The following SUSD4 variants were observed in gnomAD, a reference collection of about 807,000 sequenced individuals.
SUSD4 encodes the protein sushi domain-containing protein 4.
A neutral mutation model predicts 50.5 loss-of-function variants in SUSD4; 41 were observed. The ratio of observed to expected loss-of-function variants is 0.81; its 90% CI spans 0.63 to 1.05. SUSD4 has a LOEUF of 1.05. Ranked by LOEUF, SUSD4 falls within the 50% of genes least tolerant of loss-of-function variation. SUSD4 has a pLI of 0.00. For synonymous variants in SUSD4, 257 were observed against 257.3 expected (o/e 1.00, Z 0.01); for missense variants, 580 against 634.7 (o/e 0.91, Z 0.93).
intron 2 of SUSD4, among the ~76,000 whole-genome samples, chr1:223,352,678 G>A (rs1668432753): frequency 6.6e-6 from 1 of 152,170 alleles, no homozygotes; most frequent in Non-Finnish European, 1.5e-5. Flanking sequence ...ACACCCAGAA[G>A]CAGCATCCTA....
At chr1:223,310,604 T>A (rs1665817076) in intron 2 of SUSD4, among the ~76,000 whole-genome samples, 1 of 152,118 alleles carries the variant, frequency 6.6e-6, no homozygotes. Flanking sequence ...TGGAAAAAAA[T>A]GAAAACAAAT....
At chr1:223,280,365 A>G (rs1381318558) in intron 3 of SUSD4, among the ~76,000 whole-genome samples, 1 of 152,060 alleles carries the variant, frequency 6.6e-6, no homozygotes, top group Non-Finnish European at 1.5e-5. Context: ...ATACACACAC[A>G]GGCTCAAAAT....
In SUSD4 at chr1:223,363,278, CGCCCGTGAGCTGTG is replaced by C. The variant is rs772375879; in HGVS notation, c.134_147del (p.Ala45GlyfsTer4). ...CTCCCACCACAGCTGGGTCACTCACCGCCCGTGAGCTGTGCAGGGCCGAAGCACAGCGCCAGCTG... is the reference window on the plus strand; with the variant it reads ...CTCCCACCACAGCTGGGTCACTCACCCAGGGCCGAAGCACAGCGCCAGCTG... On this transcript the variant is annotated frameshift_variant and splice_region_variant, in exon 2 of 9. Coordinates refer to ENST00000366878, the MANE Select transcript of SUSD4 (RefSeq NM_017982.4). LOFTEE classifies it high-confidence loss of function. 1 of 1,587,186 alleles carries C rather than the reference CGCCCGTGAGCTGTG, an allele frequency of 6.3e-7. No individual in the cohort carries two copies. Among genetic ancestry groups the C allele is most frequent in the Admixed American group, 1.7e-5 (1 of 57,820 alleles).
intron 5 of SUSD4, among the ~76,000 whole-genome samples, chr1:223,243,613 C>A (rs1190309525): frequency 1.3e-5 from 2 of 152,244 alleles, no homozygotes; most frequent in African/African-American, 4.8e-5. Context: ...CAGCATGTGG[C>A]TGGAGCATTT....
chr1:223,364,371 G>A (rs978203310), upstream of SUSD4, among the ~76,000 whole-genome samples: 1,402 of 147,536 alleles, frequency 9.5e-3, 9 homozygotes, highest in Non-Finnish European at 0.016. This position sits in a 1 kb window ranked among gnomAD's most constrained non-coding sequence, Gnocchi z 4.5. Flanking sequence ...GGGGTGAGTG[G>A]GGGGGCGGGG....
intron 2 of SUSD4, among the ~76,000 whole-genome samples, chr1:223,310,787 G>A (rs1258286194): frequency 6.6e-6 from 1 of 152,218 alleles, no homozygotes; most frequent in African/African-American, 2.4e-5. Flanking sequence ...ATTGAGGGTA[G>A]GTCAGAAATG....
At chr1:223,268,013 T>TTATATATATATA (rs59885860) in intron 4 of SUSD4, among the ~76,000 whole-genome samples, 25 of 53,330 alleles carry the variant, frequency 4.7e-4, no homozygotes, top group African/African-American at 9.2e-4. Flanking sequence ...CATGCATTTT[T>TTATATATATATA]TATATATATA....
At chr1:223,240,702 A>G (rs966155642) in intron 5 of SUSD4, among the ~76,000 whole-genome samples, 3 of 152,166 alleles carry the variant, frequency 2.0e-5, no homozygotes, top group African/African-American at 7.2e-5. Context: ...TGCATGCTGA[A>G]TATTTCCTCC....
At chr1:223,323,414 G>A (rs933127842) in intron 2 of SUSD4, among the ~76,000 whole-genome samples, 4 of 152,162 alleles carry the variant, frequency 2.6e-5, no homozygotes, top group Non-Finnish European at 5.9e-5. Flanking sequence ...ATGGTGGTGT[G>A]TAGAGTTCTG....
At chr1:223,278,015 G>A (rs1197427420) in intron 3 of SUSD4, among the ~76,000 whole-genome samples, 1 of 152,100 alleles carries the variant, frequency 6.6e-6, no homozygotes, top group Non-Finnish European at 1.5e-5. Context: ...AATGCAGGAG[G>A]TCTGAATATG....
At chr1:223,287,070 G>C (rs1664192925) in intron 3 of SUSD4, among the ~76,000 whole-genome samples, 1 of 152,162 alleles carries the variant, frequency 6.6e-6, no homozygotes, top group Non-Finnish European at 1.5e-5. Context: ...TACAGAGGTA[G>C]CTTTGTTTGT....
At position 223,332,037 on chromosome 1, in the gene SUSD4, C is replaced by T. The variant is rs1667205140; in HGVS notation, c.148+31241G>A. ...CCAATGTGGCATTTCTGGAGGGCTT[C>T]CTTGAACCCGTGCAGAGAAAGCTGA... On this transcript the variant is annotated intron_variant, in intron 2 of 8. Coordinates refer to ENST00000366878, the MANE Select transcript of SUSD4 (RefSeq NM_017982.4). This position sits in a 1 kb window ranked among gnomAD's most constrained non-coding sequence, Gnocchi z 4.0. Among the ~76,000 whole-genome samples the T allele has an allele frequency of 2.0e-5, 3 of 152,202 alleles. No homozygotes were observed. The highest frequency in any genetic ancestry group is 7.2e-5 in the African/African-American group (3 of 41,454).
chr1:223,321,208 G>C (rs1393418677), intron 2 of SUSD4, among the ~76,000 whole-genome samples: 1 of 152,178 alleles, frequency 6.6e-6, no homozygotes, highest in African/African-American at 2.4e-5. Flanking sequence ...CCAGGCTCAG[G>C]TACCAGACCT....
At chr1:223,226,918 G>A (rs1267304106) in intron 7 of SUSD4, among the ~76,000 whole-genome samples, 1 of 152,204 alleles carries the variant, frequency 6.6e-6, no homozygotes, top group Non-Finnish European at 1.5e-5. Flanking sequence ...TTTGCCAGCA[G>A]TAGTGCTGGG....
intron 5 of SUSD4, among the ~76,000 whole-genome samples, chr1:223,256,350 T>A (rs1000508068): frequency 1.3e-5 from 2 of 152,140 alleles, no homozygotes; most frequent in African/African-American, 4.8e-5. Flanking sequence ...GCCTACTCCC[T>A]AAGGCCAAGG....
intron 2 of SUSD4, among the ~76,000 whole-genome samples, chr1:223,317,848 T>C (rs1558245024): frequency 1.7e-5 from 2 of 119,328 alleles, no homozygotes; most frequent in South Asian, 3.6e-4. Context: ...TTTTTTTTTT[T>C]TTCTTTTTTT....
chr1:223,342,437 G>A (rs1667809871), intron 2 of SUSD4, among the ~76,000 whole-genome samples: 1 of 152,146 alleles, frequency 6.6e-6, no homozygotes, highest in Non-Finnish European at 1.5e-5. Context: ...CTGGAAGAGT[G>A]ATTTCATAGG....
intron 5 of SUSD4, among the ~76,000 whole-genome samples, chr1:223,242,509 G>A (rs1165353061): frequency 6.6e-6 from 1 of 152,176 alleles, no homozygotes; most frequent in East Asian, 1.9e-4. Flanking sequence ...CAATGTCCCT[G>A]GAATCACCCC....
At position 223,332,674 on chromosome 1, in the gene SUSD4, G is replaced by A. The variant is rs533092446; in HGVS notation, c.148+30604C>T. On this transcript the variant is annotated intron_variant, in intron 2 of 8. Coordinates refer to ENST00000366878, the MANE Select transcript of SUSD4 (RefSeq NM_017982.4). The surrounding 1 kb of genome is among the most constrained non-coding windows in gnomAD (Gnocchi z 4.0). ...CAATTCTCAGTGACTGCGGGTAGCC[G>A]TGGGGAGACAGGCATCTCCTCGGAC... is the stretch of plus-strand genomic sequence containing the variant. 4.0e-4 allele frequency among the ~76,000 whole-genome samples: 61 copies of A among 152,276 alleles called. No homozygotes were observed. The highest frequency in any genetic ancestry group is 1.7e-3 in the Admixed American group (26 of 15,302).
Sources: gnomAD v4.1 joint callset for allele counts (sites outside exome capture counted in the v4.1 genomes callset) on GRCh38, gnomAD v4.1.1 for gene constraint, Gnocchi (gnomAD v3.1) non-coding constraint, MANE v1.5 for transcripts, NCBI Gene and HGNC (gene_info 2026-07-23, HGNC 2026-07-21) for gene names.